ATP10A: variants seen among roughly 807,000 people sequenced by gnomAD.
ATP10A encodes the protein ATPase phospholipid transporting 10A (putative), also known as phospholipid-transporting ATPase VA.
A neutral mutation model predicts 147.8 loss-of-function variants in ATP10A; 111 were observed. The observed-to-expected ratio is 0.75, with a 90% CI of 0.64 to 0.88. The LOEUF (loss-of-function observed/expected upper bound fraction) is 0.88. ATP10A is among the 40% of genes least tolerant of loss of function. ATP10A has a pLI of 0.00. For synonymous variants in ATP10A, 875 were observed against 841.6 expected, an observed-to-expected ratio of 1.04 and a Z score of -0.69; for missense variants, 1,927 against 1,959.0, an observed-to-expected ratio of 0.98 and a Z score of 0.31.
At chr15:25,680,503 C>A (rs567549528) in intron 19 of ATP10A, among the ~76,000 whole-genome samples, 195 bp from the exon 20 acceptor site, 2 of 152,060 alleles carry the variant, frequency 1.3e-5, no homozygotes, top group Non-Finnish European at 2.9e-5. Context: ...GGGAGATGCA[C>A]ATGAGGTGAG....
At chr15:25,685,406 G>A (rs920286230) in intron 16 of ATP10A, among the ~76,000 whole-genome samples, 1 of 152,114 alleles carries the variant, frequency 6.6e-6, no homozygotes, top group Admixed American at 6.5e-5. Flanking sequence ...TGACCACTAG[G>A]GCCTTTGTTT....
intron 2 of ATP10A, among the ~76,000 whole-genome samples, chr15:25,739,994 C>T (rs972982458): frequency 6.6e-6 from 1 of 152,194 alleles, no homozygotes; most frequent in Admixed American, 6.5e-5. Flanking sequence ...CCTGGGACCT[C>T]CTCCTGGTAG....
chr15:25,731,985 T>G (rs781072380), intron 3 of ATP10A, among the ~76,000 whole-genome samples: 5 of 151,938 alleles, frequency 3.3e-5, no homozygotes, highest in Admixed American at 6.6e-5. Context: ...CCTCCTGAGT[T>G]TCTGTGACTA....
chr15:25,673,325 A>G (rs150027490), downstream of ATP10A, among the ~76,000 whole-genome samples: 1,128 of 152,220 alleles, frequency 7.4e-3, 3 homozygotes, highest in Non-Finnish European at 0.011. Flanking sequence ...ATTTCAAACA[A>G]GCGTCGAGGA....
intron 2 of ATP10A, among the ~76,000 whole-genome samples, chr15:25,738,339 T>C (rs1887402987): frequency 6.6e-6 from 1 of 152,166 alleles, no homozygotes; most frequent in Non-Finnish European, 1.5e-5. Context: ...ACTCCATTCT[T>C]CTTAAAAAGC....
chr15:25,688,934 A>G (rs1899855801), intron 15 of ATP10A, among the ~76,000 whole-genome samples: 1 of 152,082 alleles, frequency 6.6e-6, no homozygotes, highest in Non-Finnish European at 1.5e-5. Flanking sequence ...ATTTATTAAG[A>G]CTCCACTATT....
At chr15:25,755,361 T>A (rs1888358626) in intron 2 of ATP10A, among the ~76,000 whole-genome samples, 1 of 152,220 alleles carries the variant, frequency 6.6e-6, no homozygotes, top group African/African-American at 2.4e-5. Context: ...GGCACACTGC[T>A]ATTTTTTGAG....
Position 25,708,078 on chromosome 15 carries a change from AG to A in ATP10A, c.2472del (p.Cys825AlafsTer7). 6.2e-7 allele frequency: 1 copy of A among 1,614,164 alleles called. No individual in the cohort carries two copies. ...GCTTCTAGGTGGCTTTGCAACCAGC[AG>A]GCATACTCTTCTTTACTCAGAACCT... ...AKRVLSKEEY[A>X]CWLQSHLEAE... On this transcript the variant is annotated frameshift_variant, in exon 12 of 21. Transcript: ENST00000555815. LOFTEE classifies it high-confidence loss of function.
Position 25,680,800 on chromosome 15 carries a change from C to T in ATP10A, c.3678+10G>A, listed in dbSNP as rs760097015. On this transcript the variant is annotated intron_variant, in intron 19 of 20. Coordinates refer to ENST00000555815, the MANE Select transcript of ATP10A (RefSeq NM_024490.4). Reference sequence around the variant, plus strand: ...CTCTTCTGAGACGTGGCCATGCAGGCGGCTCTTACCCAGGTTTTGGTTTCA... The same window carrying T: ...CTCTTCTGAGACGTGGCCATGCAGGTGGCTCTTACCCAGGTTTTGGTTTCA... 9 of 1,608,082 alleles carry T rather than the reference C, an allele frequency of 5.6e-6. No homozygotes were observed. Among genetic ancestry groups the T allele is most frequent in the East Asian group, 2.2e-5 (1 of 44,848 alleles).
chr15:25,681,000 A>C lies in ATP10A; in HGVS notation c.3567T>G (p.Pro1189=). Residue 1189 remains proline (P), a synonymous_variant, in exon 18 of 21, where the codon CCT becomes CCG. Coordinates refer to ENST00000555815, the MANE Select transcript of ATP10A (RefSeq NM_024490.4). ...CACCCAGGGGCCAACTTACCAGGTAAGGAATGGAAAAGCAAACCAGGCTCT... is the reference window on the plus strand; with the variant it reads ...CACCCAGGGGCCAACTTACCAGGTACGGAATGGAAAAGCAAACCAGGCTCT... The part of the protein sequence containing the change: ...AFQSLVCFSI[P]YLAYYDSNVD... 1 of 1,614,158 alleles carries C rather than the reference A, an allele frequency of 6.2e-7. No individual in the cohort carries two copies. Among genetic ancestry groups the C allele is most frequent in the African/African-American group, 1.3e-5 (1 of 75,056 alleles).
At chr15:25,718,121 G>A (rs889453963) in intron 8 of ATP10A, 61 bp downstream of exon 8, 2 of 1,533,762 alleles carry the variant, frequency 1.3e-6, no homozygotes, top group Non-Finnish European at 1.8e-6. Flanking sequence ...CCATGAGCGG[G>A]GGATGGTGAA....
chr15:25,836,696 G>A (rs955884247), intron 1 of ATP10A, among the ~76,000 whole-genome samples: 5 of 152,178 alleles, frequency 3.3e-5, no homozygotes, highest in African/African-American at 7.2e-5. Context: ...CATGTGCCAG[G>A]AGCCATCCTG....
At chr15:25,779,961 C>A (rs960222763) in intron 2 of ATP10A, among the ~76,000 whole-genome samples, 2 of 152,050 alleles carry the variant, frequency 1.3e-5, no homozygotes, top group African/African-American at 4.8e-5. Context: ...GCAGGCCGGG[C>A]GGGCGAGGTG....
intron 1 of ATP10A, among the ~76,000 whole-genome samples, chr15:25,792,148 C>T (rs577316759): frequency 1.3e-5 from 2 of 152,348 alleles, no homozygotes; most frequent in South Asian, 4.1e-4. Flanking sequence ...CATACCCACT[C>T]TGTTACAGAT....
In ATP10A at chr15:25,814,100, C is replaced by G. The variant is rs191093375; in HGVS notation, c.450-32877G>C. On this transcript the variant is annotated intron_variant, in intron 1 of 20. Transcript: ENST00000555815. ...ACCCAGGCTCACCATATTCAAATTG[C>G]TTAAAATCAATGATAGGAAAAATCT... Among the ~76,000 whole-genome samples the G allele has an allele frequency of 2.0e-5, 3 of 152,036 alleles. No individual in the cohort carries two copies. In the East Asian group the frequency reaches 5.8e-4, roughly 29 times the overall value.
chr15:25,759,357 T>G (rs1472156808), intron 2 of ATP10A, among the ~76,000 whole-genome samples: 1 of 152,196 alleles, frequency 6.6e-6, no homozygotes, highest in South Asian at 2.1e-4. Context: ...ATTAATCTCA[T>G]GAAAATAATT....
rs372589519 is a variant in ATP10A at position 25,835,234 on chromosome 15, G to A, written c.449+27414C>T. 3.9e-5 allele frequency among the ~76,000 whole-genome samples: 6 copies of A among 152,246 alleles called. No individual in the cohort carries two copies. The South Asian group carries it at 1.2e-3, about 32-fold the overall frequency. On this transcript the variant is annotated intron_variant, in intron 1 of 20. Coordinates refer to ENST00000555815, the MANE Select transcript of ATP10A (RefSeq NM_024490.4). The stretch of plus-strand genomic sequence containing the variant: ...TCCAATAAGTGATGATCATGCCCCT[G>A]CACTCCAGCCTGAGCAATAGAGTGA...
intron 12 of ATP10A, among the ~76,000 whole-genome samples, chr15:25,706,390 G>T (rs1901016536): frequency 6.6e-6 from 1 of 152,196 alleles, no homozygotes. Context: ...GCCACGCTCA[G>T]TGCCCCCCGT....
chr15:25,804,954 T>C (rs1182052261), intron 1 of ATP10A, among the ~76,000 whole-genome samples: 1 of 152,142 alleles, frequency 6.6e-6, no homozygotes, highest in Non-Finnish European at 1.5e-5. Flanking sequence ...CCTGGGTAGG[T>C]GGAGGCTCTT....
Sources: allele counts gnomAD v4.1 joint callset (sites outside exome capture counted in the v4.1 genomes callset), GRCh38; gene constraint gnomAD v4.1.1; transcripts MANE v1.5; gene names NCBI Gene and HGNC (gene_info 2026-07-23, HGNC 2026-07-21).